EYA2: variants seen among roughly 807,000 people sequenced by gnomAD.
EYA2 encodes the protein protein phosphatase EYA2.
A neutral mutation model predicts 69.2 loss-of-function variants in EYA2; 31 were observed. That is an observed-to-expected ratio of 0.45 (90% CI 0.34 to 0.60). The LOEUF (loss-of-function observed/expected upper bound fraction) is 0.60. EYA2 is among the 20% of genes least tolerant of loss of function. The pLI, the probability that EYA2 is intolerant of heterozygous loss-of-function variation, is 0.02. For synonymous variants in EYA2, 257 were observed against 279.4 expected (o/e 0.92, Z 0.80); for missense variants, 622 against 701.2 (o/e 0.89, Z 1.28).
intron 11 of EYA2, among the ~76,000 whole-genome samples, chr20:47,172,322 G>A (rs935400853): frequency 6.6e-6 from 1 of 151,906 alleles, no homozygotes; most frequent in African/African-American, 2.4e-5. Flanking sequence ...CGAGGAGCCT[G>A]TGGGCCCAGC....
At chr20:47,031,241 A>T (rs1349347082) in intron 5 of EYA2, among the ~76,000 whole-genome samples, 1 of 152,202 alleles carries the variant, frequency 6.6e-6, no homozygotes, top group Non-Finnish European at 1.5e-5. Flanking sequence ...GCCATGGGTC[A>T]CAAGTGTCGC....
chr20:47,153,009 A>G (rs943521679), intron 10 of EYA2, among the ~76,000 whole-genome samples: 4 of 151,720 alleles, frequency 2.6e-5, no homozygotes, highest in Admixed American at 6.5e-5. Flanking sequence ...GTTTGCTTTT[A>G]GAGGCCGGGC....
At chr20:46,992,030 G>C (rs1261809215) in intron 2 of EYA2, among the ~76,000 whole-genome samples, 2 of 88,826 alleles carry the variant, frequency 2.3e-5, no homozygotes, top group Non-Finnish European at 5.1e-5. Flanking sequence ...TTCCCCGCTG[G>C]CTGCCACCAG....
At position 47,034,958 on chromosome 20, in the gene EYA2, T is replaced by C. The variant is rs1600657908; in HGVS notation, c.415+18661T>C. 2.0e-5 allele frequency among the ~76,000 whole-genome samples: 3 copies of C among 152,204 alleles called. No individual in the cohort carries two copies. In the South Asian group the frequency reaches 6.2e-4, roughly 32 times the overall value. On this transcript the variant is annotated intron_variant, in intron 5 of 15. Coordinates refer to ENST00000327619, the MANE Select transcript of EYA2 (RefSeq NM_005244.5). ...CTGTGTGTCTGGGTCCAAATTTCCT[T>C]CTTCTTATGAAGACACCCTAATCCA...
intron 4 of EYA2, among the ~76,000 whole-genome samples, chr20:47,010,969 A>T (rs1031597558): frequency 6.6e-6 from 1 of 151,956 alleles, no homozygotes; most frequent in Non-Finnish European, 1.5e-5. Context: ...TTGTATTTTT[A>T]GTAGAGACAG....
Position 47,089,350 on chromosome 20 carries a change from A to G in EYA2, c.773A>G (p.Asp258Gly). The change falls in exon 8 of 16, where the codon GAC becomes GGC. Residue 258 changes from aspartate to glycine, a missense_variant. Physicochemically the swap from Asp to Gly is moderately conservative, Grantham distance 94. This residue lies in a region of EYA2 where 365 missense variants were observed against 349.7 expected (regional missense o/e 1.04). Transcript: ENST00000327619. ...CGAGGCCGGTCTAAGAGGAGCAGTGACCCGTCCCCGGCAGGGGACAATGAG... is the reference window on the plus strand; with the variant it reads ...CGAGGCCGGTCTAAGAGGAGCAGTGGCCCGTCCCCGGCAGGGGACAATGAG... Reference protein sequence around the residue: ...KLRGRSKRSSDPSPAGDNEIE... With the variant: ...KLRGRSKRSSGPSPAGDNEIE... The G allele has an allele frequency of 6.2e-7, 1 of 1,614,104 alleles. No homozygotes were observed.
At chr20:47,024,993 C>A (rs1433943517) in intron 5 of EYA2, among the ~76,000 whole-genome samples, 1 of 152,222 alleles carries the variant, frequency 6.6e-6, no homozygotes, top group Non-Finnish European at 1.5e-5. Flanking sequence ...CTATCTTCTT[C>A]CTCTTCCTCA....
chr20:46,998,191 G>C (rs1982145500), intron 2 of EYA2: 1 of 155,620 alleles, frequency 6.4e-6, no homozygotes. Flanking sequence ...CCCACCCTCA[G>C]TGTGTCTGTC....
At chr20:46,962,004 A>G (rs879099938) in intron 1 of EYA2, among the ~76,000 whole-genome samples, 1 of 152,350 alleles carries the variant, frequency 6.6e-6, no homozygotes, top group East Asian at 1.9e-4. Context: ...TCAAATAGCT[A>G]GAAAAGCAGA....
At chr20:46,951,324 A>G (rs1234719615) in intron 1 of EYA2, among the ~76,000 whole-genome samples, 2 of 152,108 alleles carry the variant, frequency 1.3e-5, no homozygotes, top group Non-Finnish European at 1.5e-5. Context: ...AGCAGTAACC[A>G]GTTGTCTGGT....
chr20:47,108,354 T>A lies in EYA2; in HGVS notation c.888+11186T>A, dbSNP rs577113976. On this transcript the variant is annotated intron_variant, in intron 9 of 15. Coordinates refer to ENST00000327619, the MANE Select transcript of EYA2 (RefSeq NM_005244.5). The stretch of plus-strand genomic sequence containing the variant: ...TCTCTTCCTCTCTCTCCACATGTGA[T>A]CTGCACATGCTGGCTCCCCTTTGCT... 3.9e-5 allele frequency among the ~76,000 whole-genome samples: 6 copies of A among 152,246 alleles called. No individual in the cohort carries two copies. The East Asian group carries it at 1.2e-3, about 29-fold the overall frequency.
intron 1 of EYA2, among the ~76,000 whole-genome samples, chr20:46,932,046 C>T (rs1339195095): frequency 6.6e-6 from 1 of 151,298 alleles, no homozygotes; most frequent in Non-Finnish European, 1.5e-5. Context: ...AGCTGCCCAG[C>T]GCTCCTAGCC....
chr20:47,179,825 C>G lies in EYA2; in HGVS notation c.1226C>G (p.Thr409Ser). ...GGLIGTPKRE[T>S]WLQLRAELEA... ...TTGATAGGCACTCCCAAAAGGGAGA[C>G]CTGGCTACAGCTCCGAGCTGAGCTG... Residue 409 changes from threonine (T) to serine (S), a missense_variant, in exon 13 of 16, where the codon ACC (threonine) becomes AGC (serine). Physicochemically the swap from Thr to Ser is moderately conservative, Grantham distance 58 (BLOSUM62 1). Coordinates refer to ENST00000327619, the MANE Select transcript of EYA2 (RefSeq NM_005244.5). 6.2e-7 allele frequency: 1 copy of G among 1,614,066 alleles called. No individual in the cohort carries two copies. Among genetic ancestry groups the G allele is most frequent in the Non-Finnish European group, 8.5e-7 (1 of 1,179,966 alleles).
chr20:46,910,923 G>T (rs1366225908), intron 1 of EYA2, among the ~76,000 whole-genome samples: 1 of 152,170 alleles, frequency 6.6e-6, no homozygotes, highest in African/African-American at 2.4e-5. Context: ...GTTGACTGGG[G>T]CTGGGAACTG....
At chr20:46,942,788 C>G (rs1259887409) in intron 1 of EYA2, among the ~76,000 whole-genome samples, 1 of 152,176 alleles carries the variant, frequency 6.6e-6, no homozygotes, top group Non-Finnish European at 1.5e-5. Flanking sequence ...TTTGTTTTGA[C>G]AGGGAGTCTT....
intron 14 of EYA2, among the ~76,000 whole-genome samples, chr20:47,182,894 A>G (rs909131534): frequency 2.0e-5 from 3 of 151,250 alleles, no homozygotes; most frequent in Non-Finnish European, 4.4e-5. Flanking sequence ...CCGAGATGGC[A>G]CCACTGCACT....
At chr20:47,009,049 A>G (rs1167044935) in intron 4 of EYA2, among the ~76,000 whole-genome samples, 1 of 152,246 alleles carries the variant, frequency 6.6e-6, no homozygotes, top group African/African-American at 2.4e-5. Context: ...AACTTTATTT[A>G]CACAAACAGG....
intron 5 of EYA2, among the ~76,000 whole-genome samples, chr20:47,046,715 G>A (rs550452443): frequency 1.3e-4 from 20 of 152,344 alleles, no homozygotes; most frequent in Non-Finnish European, 1.9e-4. Flanking sequence ...CTGCGACCAC[G>A]AAGGGTCCAA....
intron 1 of EYA2, among the ~76,000 whole-genome samples, chr20:46,964,537 C>A (rs2146291825): frequency 6.6e-6 from 1 of 152,324 alleles, no homozygotes; most frequent in South Asian, 2.1e-4. Context: ...CCAACCCCTC[C>A]CTGGGATGAC....
Sources: allele counts gnomAD v4.1 joint callset (sites outside exome capture counted in the v4.1 genomes callset), GRCh38; gene constraint gnomAD v4.1.1; regional missense constraint gnomAD v4.1.1; transcripts MANE v1.5; gene names NCBI Gene and HGNC (gene_info 2026-07-23, HGNC 2026-07-21).